MSRA: variants seen among roughly 807,000 people sequenced by gnomAD.
MSRA encodes the protein methionine sulfoxide reductase A, also known as mitochondrial peptide methionine sulfoxide reductase.
A neutral mutation model predicts 31.3 loss-of-function variants in MSRA; 54 were observed. That is an observed-to-expected ratio of 1.73 (90% confidence interval 1.39 to 2.17). The LOEUF is 2.17. MSRA is among the 30% of genes most tolerant of loss of function. The pLI is 0.00. For synonymous variants in MSRA, 169 were observed against 116.5 expected, an observed-to-expected ratio of 1.45 and a Z score of -2.90; for missense variants, 507 against 300.9, an observed-to-expected ratio of 1.69 and a Z score of -5.07.
chr8:10,144,027 T>C (rs1018109244), intron 1 of MSRA, among the ~76,000 whole-genome samples: 1 of 152,152 alleles, frequency 6.6e-6, no homozygotes, highest in Admixed American at 6.5e-5. Flanking sequence ...GGATGGTGGC[T>C]TGCTTTTCCC....
chr8:10,369,261 A>AC (rs1193386071), intron 5 of MSRA, among the ~76,000 whole-genome samples: 1 of 152,078 alleles, frequency 6.6e-6, no homozygotes, highest in Non-Finnish European at 1.5e-5. Flanking sequence ...AAAAAAAAAA[A>AC]AAACGAAGAA....
intron 4 of MSRA, among the ~76,000 whole-genome samples, chr8:10,313,467 T>TAA (rs534318833): frequency 1.6e-4 from 21 of 129,948 alleles, no homozygotes; most frequent in African/African-American, 5.1e-4. Flanking sequence ...CCAAAAAATC[T>TAA]AAAAAAAAAA....
At chr8:10,114,461 T>C (rs2129015078) in intron 1 of MSRA, among the ~76,000 whole-genome samples, 1 of 152,058 alleles carries the variant, frequency 6.6e-6, no homozygotes, top group South Asian at 2.1e-4. Context: ...CAATAAAGTA[T>C]GAGCATTCCA....
intron 5 of MSRA, among the ~76,000 whole-genome samples, chr8:10,379,951 G>A (rs1249096893): frequency 1.3e-5 from 2 of 152,232 alleles, no homozygotes; most frequent in African/African-American, 4.8e-5. Flanking sequence ...CATAAGTACT[G>A]ATTGGGCCAG....
chr8:10,228,650 T>A (rs1811203635), intron 2 of MSRA, among the ~76,000 whole-genome samples: 1 of 152,162 alleles, frequency 6.6e-6, no homozygotes, highest in Non-Finnish European at 1.5e-5. Context: ...AGAAAGGACG[T>A]CGGCTTTGAA....
chr8:10,107,375 A>C (rs1799958768), intron 1 of MSRA, among the ~76,000 whole-genome samples: 1 of 152,074 alleles, frequency 6.6e-6, no homozygotes, highest in Non-Finnish European at 1.5e-5. Context: ...CAAACCGATG[A>C]AAATCTCCTT....
intron 1 of MSRA, among the ~76,000 whole-genome samples, chr8:10,080,042 A>C (rs953441807): frequency 6.6e-6 from 1 of 152,176 alleles, no homozygotes; most frequent in Admixed American, 6.5e-5. Context: ...GAAGCTGATG[A>C]ATTAGAACTC....
chr8:10,103,532 T>C (rs546934027), intron 1 of MSRA, among the ~76,000 whole-genome samples: 1 of 152,294 alleles, frequency 6.6e-6, no homozygotes, highest in East Asian at 1.9e-4. Flanking sequence ...CAAAGGGTTG[T>C]TCAGAATATT....
At chr8:10,055,577 T>G (rs945838441) in intron 1 of MSRA, among the ~76,000 whole-genome samples, 3 of 152,202 alleles carry the variant, frequency 2.0e-5, no homozygotes, top group South Asian at 2.1e-4. Context: ...CCCAACAATC[T>G]CTAAAACAAG....
intron 5 of MSRA, among the ~76,000 whole-genome samples, chr8:10,416,122 C>T (rs766262367): frequency 1.1e-4 from 16 of 152,112 alleles, no homozygotes; most frequent in African/African-American, 3.6e-4. Flanking sequence ...CACCTGCTCA[C>T]GCTGGGCACT....
chr8:10,304,877 C>T (rs762108063), intron 4 of MSRA, among the ~76,000 whole-genome samples: 1 of 152,160 alleles, frequency 6.6e-6, no homozygotes, highest in Non-Finnish European at 1.5e-5. Context: ...AGGCAGTAGT[C>T]CACTCCAGGT....
At chr8:10,215,262 C>G (rs866105162) in intron 2 of MSRA, among the ~76,000 whole-genome samples, 2 of 152,174 alleles carry the variant, frequency 1.3e-5, no homozygotes, top group Non-Finnish European at 2.9e-5. Flanking sequence ...TCAGAATTCC[C>G]AAAGGTCACT....
chr8:10,220,690 G>T (rs1810409856), intron 2 of MSRA, among the ~76,000 whole-genome samples: 1 of 152,160 alleles, frequency 6.6e-6, no homozygotes, highest in African/African-American at 2.4e-5. Context: ...GTGGGAGCCT[G>T]CGTCCATCTT....
intron 5 of MSRA, among the ~76,000 whole-genome samples, chr8:10,412,568 G>A (rs1808221449): frequency 6.6e-6 from 1 of 152,142 alleles, no homozygotes; most frequent in Non-Finnish European, 1.5e-5. Flanking sequence ...CATAACTTTG[G>A]AATATTTAGA....
intron 5 of MSRA, among the ~76,000 whole-genome samples, chr8:10,363,818 G>A (rs977290051): frequency 2.1e-5 from 3 of 143,428 alleles, no homozygotes; most frequent in Middle Eastern, 3.9e-3. Flanking sequence ...TGTAGTCCCA[G>A]CTACTCAGGA....
chr8:10,082,402 C>G (rs1400466738), intron 1 of MSRA, among the ~76,000 whole-genome samples: 2 of 152,130 alleles, frequency 1.3e-5, no homozygotes, highest in African/African-American at 4.8e-5. Context: ...TTCACAGCTT[C>G]TCCCTGCTTG....
chr8:10,413,212 C>T (rs1436475995), intron 5 of MSRA, among the ~76,000 whole-genome samples: 3 of 152,178 alleles, frequency 2.0e-5, no homozygotes, highest in African/African-American at 7.2e-5. Flanking sequence ...CGTGGGGTCC[C>T]TGAAGCTTCC....
intron 4 of MSRA, among the ~76,000 whole-genome samples, chr8:10,310,170 T>C (rs1324204221): frequency 6.6e-6 from 1 of 152,200 alleles, no homozygotes; most frequent in Non-Finnish European, 1.5e-5. Flanking sequence ...CTGCAAATAA[T>C]TAGACAGTGG....
chr8:10,116,086 T>C (rs1800657053), intron 1 of MSRA, among the ~76,000 whole-genome samples: 1 of 152,090 alleles, frequency 6.6e-6, no homozygotes. Flanking sequence ...TCTGCCCTCA[T>C]GGTGCATGGC....
Sources: gnomAD v4.1 joint callset for allele counts (sites outside exome capture counted in the v4.1 genomes callset) on GRCh38, gnomAD v4.1.1 for gene constraint, MANE v1.5 for transcripts, NCBI Gene and HGNC (gene_info 2026-07-23, HGNC 2026-07-21) for gene names.